Variants in MAPK15 observed in about 807,000 individuals in gnomAD.
MAPK15 encodes mitogen-activated protein kinase 15.
A neutral mutation model predicts 60.8 loss-of-function variants in MAPK15; 61 were observed. The ratio of observed to expected loss-of-function variants is 1.00; its 90% CI spans 0.82 to 1.24. The LOEUF is 1.24. Ranked by LOEUF, MAPK15 falls within the 50% of genes most tolerant of loss-of-function variation. MAPK15 has a pLI of 0.00. For missense variants in MAPK15, 808 were observed against 741.1 expected (o/e 1.09, Z -1.05); for synonymous variants, 356 against 319.9 (o/e 1.11, Z -1.21).
At chr8:143,716,935 C>T (rs560082081) in intron 1 of MAPK15, among the ~76,000 whole-genome samples, 5 of 149,816 alleles carry the variant, frequency 3.3e-5, no homozygotes, top group East Asian at 2.0e-4. Flanking sequence ...TGTGTGTGTG[C>T]GTGGGTGTGT....
Position 143,719,481 on chromosome 8 carries a change from G to A in MAPK15, c.720G>A (p.Glu240=), listed in dbSNP as rs1183861827. Reference sequence around the variant, plus strand: ...AGACCATCCCACCGCCATCTGAGGAGGGTGAGCCAGGCTGCTGGGGCTGGG... The same window carrying A: ...AGACCATCCCACCGCCATCTGAGGAAGGTGAGCCAGGCTGCTGGGGCTGGG... ...ILETIPPPSE[E]DLLALGSGCR... Residue 240 remains glutamate (E), a splice_region_variant and synonymous_variant, in exon 7 of 14, where the codon GAG becomes GAA. Transcript: ENST00000338033. 1 of 1,605,942 alleles carries A rather than the reference G, an allele frequency of 6.2e-7. No homozygotes were observed. The highest frequency in any genetic ancestry group is 1.3e-5 in the African/African-American group (1 of 74,540).
intron 10 of MAPK15, 48 bp from the exon 11 acceptor site, chr8:143,721,183 C>A: frequency 6.3e-7 from 1 of 1,593,038 alleles, no homozygotes; most frequent in Non-Finnish European, 8.6e-7. Flanking sequence ...GACCCCCAAA[C>A]GCCCCATGCC....
chr8:143,718,658 G>A (rs955425128), intron 4 of MAPK15, 117 bp from the exon 5 acceptor site: 42 of 914,902 alleles, frequency 4.6e-5, no homozygotes, highest in Middle Eastern at 3.4e-4. Flanking sequence ...GGAGCGGGGC[G>A]GCCAGGCCGT....
Position 143,718,913 on chromosome 8 carries a change from TC to T in MAPK15, c.417+13del. 6.2e-7 allele frequency: 1 copy of T among 1,600,876 alleles called. No individual in the cohort carries two copies. The highest frequency in any genetic ancestry group is 1.1e-5 in the South Asian group (1 of 89,628). ...GTGCACCGGGACCAGAAGGTGCGGT[TC>T]CCCCGCCCCCGCTATGCCACGTGGC... On this transcript the variant is annotated intron_variant, in intron 5 of 13. Transcript: ENST00000338033.
chr8:143,718,648 G>C, intron 4 of MAPK15, 127 bp from the exon 5 acceptor site: 1 of 808,894 alleles, frequency 1.2e-6, no homozygotes, highest in Non-Finnish European at 2.0e-6. Context: ...ACAGGATGGA[G>C]GAGCGGGGCG....
chr8:143,718,735 A>ACCCCCCC, intron 4 of MAPK15, 40 bp from the exon 5 acceptor site: 7 of 110,032 alleles, frequency 6.4e-5, no homozygotes, highest in South Asian at 4.9e-4. Context: ...TTGCCCCCCC[A>ACCCCCCC]GCCCCCCACC....
At position 143,720,441 on chromosome 8, in the gene MAPK15, T is replaced by G. The variant is rs1818000971; in HGVS notation, c.779+154T>G. On this transcript the variant is annotated intron_variant, in intron 8 of 13. Coordinates refer to ENST00000338033, the MANE Select transcript of MAPK15 (RefSeq NM_139021.3). The surrounding 1 kb of genome is among the most constrained non-coding windows in gnomAD (Gnocchi z 4.6). ...CAAACCCAACAACTGTTGGCCACAC[T>G]GAAAGCAGGAGCCCCTCTGGTGCTC... is the stretch of plus-strand genomic sequence containing the variant. The G allele has an allele frequency of 6.9e-7, 1 of 1,446,396 alleles. No homozygotes were observed. The highest frequency in any genetic ancestry group is 1.4e-5 in the African/African-American group (1 of 69,638). 89.6% of individuals were successfully genotyped at this position (1,446,396 alleles called of 1,614,324 possible).
At chr8:143,721,190 T>A in intron 10 of MAPK15, 41 bp from the exon 11 acceptor site, 1 of 1,595,518 alleles carries the variant, frequency 6.3e-7, no homozygotes, top group Non-Finnish European at 8.5e-7. Context: ...AAACGCCCCA[T>A]GCCCAGGCTG....
At chr8:143,718,376 T>G (rs1563748658) in intron 4 of MAPK15, 74 bp downstream of exon 4, 3 of 1,345,908 alleles carry the variant, frequency 2.2e-6, no homozygotes, top group Non-Finnish European at 3.2e-6. Flanking sequence ...TCCCTCTGCG[T>G]GTCCCCCTGC....
rs1554619506 is a variant in MAPK15, at chr8:143,720,694, A to T, written c.780-9A>T. On this transcript the variant is annotated splice_polypyrimidine_tract_variant and intron_variant, in intron 8 of 13. Coordinates refer to ENST00000338033, the MANE Select transcript of MAPK15 (RefSeq NM_139021.3). This position sits in a 1 kb window ranked among gnomAD's most constrained non-coding sequence, Gnocchi z 4.6. ...TCGGGCCCTGGAGACGACACACGGC[A>T]GCCCACAGGCCACGACAGACGCTGG... 1 of 1,608,720 alleles carries T rather than the reference A, an allele frequency of 6.2e-7. No homozygotes were observed. The highest frequency in any genetic ancestry group is 1.1e-5 in the South Asian group (1 of 90,276).
chr8:143,716,593 C>G, intron 1 of MAPK15, 150 bp downstream of exon 1: 2 of 640,088 alleles, frequency 3.1e-6, no homozygotes, highest in Non-Finnish European at 5.0e-6. Context: ...GGTCTGGAGC[C>G]CCTTCGTGCC....
At chr8:143,717,900 G>A in intron 2 of MAPK15, 108 bp downstream of exon 2, 2 of 1,489,696 alleles carry the variant, frequency 1.3e-6, no homozygotes, top group Non-Finnish European at 1.9e-6. Context: ...CATAGCAGAT[G>A]TTCTGGCCTG....
At chr8:143,717,002 A>G (rs1817838163) in intron 1 of MAPK15, among the ~76,000 whole-genome samples, 1 of 152,142 alleles carries the variant, frequency 6.6e-6, no homozygotes. Flanking sequence ...CAGGCAGTGC[A>G]GACGGTAAGT....
Position 143,721,335 on chromosome 8 carries a change from G to C in MAPK15, c.1128G>C (p.Gln376His). The change falls in exon 11 of 14, where the codon CAG becomes CAC. Residue 376 changes from glutamine to histidine, a missense_variant. Physicochemically the swap from Gln to His is conservative, Grantham distance 24. Transcript: ENST00000338033. ...TGCACAAACCCAGAGCCGACCCTCA[G>C]CTGCCTTCTAGGACACCTGTGCAGG... The part of the protein sequence containing the change: ...AHLHKPRADP[Q>H]LPSRTPVQGP... 1 of 1,613,666 alleles carries C rather than the reference G, an allele frequency of 6.2e-7. No individual in the cohort carries two copies. Among genetic ancestry groups the C allele is most frequent in the Non-Finnish European group, 8.5e-7 (1 of 1,179,944 alleles).
chr8:143,719,290 A>G, intron 6 of MAPK15, 53 bp from the exon 7 acceptor site: 1 of 1,293,036 alleles, frequency 7.7e-7, no homozygotes, highest in Admixed American at 2.1e-5. Flanking sequence ...CAGCAACCCC[A>G]CCCCCACCTC....
chr8:143,718,748 CGA>C, intron 4 of MAPK15, 25 bp from the exon 5 acceptor site: 33 of 1,510,528 alleles, frequency 2.2e-5, no homozygotes, highest in South Asian at 1.0e-4. Context: ...CCCCCACCCC[CGA>C]CTGCAGTGCG....
chr8:143,718,517 C>T, intron 4 of MAPK15: 1 of 627,312 alleles, frequency 1.6e-6, no homozygotes, highest in Admixed American at 2.9e-5. Context: ...CCCCAGGCTC[C>T]TGCTCTGACC....
chr8:143,721,366 A>G lies in MAPK15; in HGVS notation c.1159A>G (p.Arg387Gly), dbSNP rs782333110. ...TTCTAGGACACCTGTGCAGGGTCCC[A>G]GACCCAGGCCCCAGAGCAGCCCAGG... ...LPSRTPVQGPRPRPQSSPGHD... is the reference protein window; with the variant it reads ...LPSRTPVQGPGPRPQSSPGHD... The change falls in exon 11 of 14, where the codon AGA becomes GGA. Residue 387 changes from arginine to glycine, a missense_variant. By Grantham distance (125) the Arg-to-Gly change is moderately radical. Coordinates refer to ENST00000338033, the MANE Select transcript of MAPK15 (RefSeq NM_139021.3). The G allele has an allele frequency of 1.2e-6, 2 of 1,613,346 alleles. No homozygotes were observed. The highest frequency in any genetic ancestry group is 2.7e-5 in the African/African-American group (2 of 75,034).
intron 7 of MAPK15, 34 bp downstream of exon 7, chr8:143,719,516 T>C: frequency 6.3e-7 from 1 of 1,599,658 alleles, no homozygotes; most frequent in African/African-American, 1.3e-5. Context: ...GCACCGGGAA[T>C]GCTGCAGGTC....
Sources: allele counts gnomAD v4.1 joint callset (sites outside exome capture counted in the v4.1 genomes callset), GRCh38; gene constraint gnomAD v4.1.1; non-coding constraint Gnocchi (gnomAD v3.1); transcripts MANE v1.5; gene names NCBI Gene and HGNC (gene_info 2026-07-23, HGNC 2026-07-21).